SUCLG2: variants seen among roughly 807,000 people sequenced by gnomAD.
SUCLG2 encodes succinate-CoA ligase GDP-forming subunit beta.
SUCLG2 carries 42 observed loss-of-function variants against 47.9 expected under a neutral mutation model. That is an observed-to-expected ratio of 0.88 (90% CI 0.69 to 1.14). The LOEUF (loss-of-function observed/expected upper bound fraction) is 1.14. Among genes scored for constraint, SUCLG2 ranks in the 50% most tolerant of loss-of-function variants. The pLI is 0.00. For missense variants in SUCLG2, 571 were observed against 525.9 expected, an observed-to-expected ratio of 1.09 and a Z score of -0.84; for synonymous variants, 195 against 197.3, an observed-to-expected ratio of 0.99 and a Z score of 0.10.
chr3:67,376,641 T>G (rs1451240851), intron 10 of SUCLG2: 1 of 388,340 alleles, frequency 2.6e-6, no homozygotes, highest in Non-Finnish European at 3.5e-6. Context: ...TTGGAGAACT[T>G]GCCTTACCAC....
chr3:67,393,751 C>G (rs547529993), intron 10 of SUCLG2, among the ~76,000 whole-genome samples: 1 of 152,182 alleles, frequency 6.6e-6, no homozygotes, highest in African/African-American at 2.4e-5. Flanking sequence ...GACCCCTGAG[C>G]AGCCTAACTG....
At chr3:67,396,157 GA>G (rs1427246433) in intron 10 of SUCLG2, among the ~76,000 whole-genome samples, 1 of 152,024 alleles carries the variant, frequency 6.6e-6, no homozygotes, top group Non-Finnish European at 1.5e-5. Context: ...CAGAAGGCAG[GA>G]AATAACTAAA....
At chr3:67,478,634 T>A (rs933663674) in intron 9 of SUCLG2, among the ~76,000 whole-genome samples, 5 of 152,244 alleles carry the variant, frequency 3.3e-5, no homozygotes, top group South Asian at 4.1e-4. Flanking sequence ...TTGCATCACA[T>A]ACACATTTAA....
intron 9 of SUCLG2, among the ~76,000 whole-genome samples, chr3:67,453,424 C>T (rs538515879): frequency 6.6e-4 from 100 of 152,058 alleles, no homozygotes; most frequent in Non-Finnish European, 1.2e-3. Flanking sequence ...CTTGCTGTGT[C>T]CTCACATGGC....
At chr3:67,530,278 G>C (rs1706367251) in intron 2 of SUCLG2, among the ~76,000 whole-genome samples, 1 of 152,132 alleles carries the variant, frequency 6.6e-6, no homozygotes, top group African/African-American at 2.4e-5. Context: ...ATGATGACAA[G>C]GGTTGTTTTA....
chr3:67,483,513 A>T (rs1249774969), intron 9 of SUCLG2, among the ~76,000 whole-genome samples: 2 of 152,228 alleles, frequency 1.3e-5, no homozygotes, highest in Non-Finnish European at 2.9e-5. Context: ...ACTAGCAGAC[A>T]GCACCAGCAG....
At chr3:67,606,110 T>A (rs2363083) in intron 2 of SUCLG2, among the ~76,000 whole-genome samples, 73,603 of 151,436 alleles carry the variant, frequency 0.49, 18,750 homozygotes, top group African/African-American at 0.64. Context: ...AAGGCTGAGG[T>A]GGGAGGATCA....
chr3:67,566,408 G>A (rs552376651), intron 2 of SUCLG2, among the ~76,000 whole-genome samples: 254 of 152,168 alleles, frequency 1.7e-3, no homozygotes, highest in African/African-American at 5.9e-3. Context: ...GTTAAAAAAA[G>A]CTGAATACAA....
chr3:67,372,273 T>A (rs1420370879), downstream of SUCLG2, among the ~76,000 whole-genome samples: 1 of 152,214 alleles, frequency 6.6e-6, no homozygotes, highest in African/African-American at 2.4e-5. Flanking sequence ...GAAGCCAACA[T>A]CTTTGCCATT....
chr3:67,568,786 C>A (rs1575784987), intron 2 of SUCLG2, among the ~76,000 whole-genome samples: 1 of 152,114 alleles, frequency 6.6e-6, no homozygotes, highest in Non-Finnish European at 1.5e-5. Context: ...ACTGGGGAGG[C>A]TGAGGCAGGA....
chr3:67,577,777 C>A (rs7621788), intron 2 of SUCLG2, among the ~76,000 whole-genome samples: 35,497 of 152,030 alleles, frequency 0.23, 5,187 homozygotes, highest in East Asian at 0.42. Context: ...TACACCCCTA[C>A]TGTAAAGGGG....
At chr3:67,514,342 T>G (rs184804340) in intron 6 of SUCLG2, 130 of 345,368 alleles carry the variant, frequency 3.8e-4, no homozygotes, top group African/African-American at 2.8e-3. Flanking sequence ...ATGATGACTA[T>G]GTGTATTCTT....
At chr3:67,396,060 G>A (rs1437237093) in intron 10 of SUCLG2, among the ~76,000 whole-genome samples, 1 of 151,810 alleles carries the variant, frequency 6.6e-6, no homozygotes, top group Non-Finnish European at 1.5e-5. Flanking sequence ...ATGCCCACAA[G>A]AGAAAGCAGG....
chr3:67,622,616 A>G (rs1700754827), intron 1 of SUCLG2, among the ~76,000 whole-genome samples: 1 of 152,256 alleles, frequency 6.6e-6, no homozygotes, highest in South Asian at 2.1e-4. Flanking sequence ...AGTTAATTTA[A>G]TAACTACATT....
chr3:67,524,651 T>TA (rs1459806772), intron 4 of SUCLG2, among the ~76,000 whole-genome samples: 16 of 152,318 alleles, frequency 1.1e-4, no homozygotes, highest in African/African-American at 3.6e-4. Context: ...ATCTGGGGAC[T>TA]TATACTTTTG....
chr3:67,606,896 T>C (rs1435177525), intron 2 of SUCLG2, among the ~76,000 whole-genome samples: 1 of 152,216 alleles, frequency 6.6e-6, no homozygotes, highest in Non-Finnish European at 1.5e-5. Flanking sequence ...AGAGAATGCA[T>C]ATACATTTCA....
At chr3:67,628,821 G>A (rs1373101949) in intron 1 of SUCLG2, among the ~76,000 whole-genome samples, 1 of 152,130 alleles carries the variant, frequency 6.6e-6, no homozygotes, top group Non-Finnish European at 1.5e-5. Context: ...AAATTACCCA[G>A]TCTCGGATAT....
intron 9 of SUCLG2, among the ~76,000 whole-genome samples, chr3:67,427,185 T>C (rs941671065): frequency 6.6e-6 from 1 of 152,222 alleles, no homozygotes; most frequent in Non-Finnish European, 1.5e-5. Flanking sequence ...ACTCTTCTTT[T>C]TTTAGAAAAA....
intron 1 of SUCLG2, among the ~76,000 whole-genome samples, chr3:67,633,335 G>A (rs1052399332): frequency 1.3e-5 from 2 of 152,116 alleles, no homozygotes; most frequent in African/African-American, 4.8e-5. Context: ...CATAAACAAT[G>A]TAGTACACTG....
Sources: gnomAD v4.1 joint callset for allele counts (sites outside exome capture counted in the v4.1 genomes callset) on GRCh38, gnomAD v4.1.1 for gene constraint, MANE v1.5 for transcripts, NCBI Gene and HGNC (gene_info 2026-07-23, HGNC 2026-07-21) for gene names.